CRYZ: variants seen among roughly 807,000 people sequenced by gnomAD.
CRYZ encodes zeta-crystallin.
In CRYZ, 35 loss-of-function variants were observed where a neutral mutation model predicts 34.1. The observed-to-expected ratio is 1.03, with a 90% CI of 0.78 to 1.36. CRYZ has a LOEUF of 1.36. Ranked by LOEUF, CRYZ falls within the 40% of genes most tolerant of loss-of-function variation. The pLI is 0.00. For missense variants in CRYZ, 403 were observed against 391.8 expected (o/e 1.03, Z -0.24); for synonymous variants, 137 against 136.5 (o/e 1.00, Z -0.03).
chr1:74,711,759 A>G (rs116444904), intron 5 of CRYZ, among the ~76,000 whole-genome samples: 2,114 of 152,316 alleles, frequency 0.014, 25 homozygotes, highest in East Asian at 0.055. Flanking sequence ...TCTCTAAAAA[A>G]TAAAAATAAA....
intron 3 of CRYZ, among the ~76,000 whole-genome samples, chr1:74,722,030 G>C (rs1647172394): frequency 6.6e-6 from 1 of 152,126 alleles, no homozygotes; most frequent in Non-Finnish European, 1.5e-5. Flanking sequence ...GAGCTTAGCA[G>C]AAAATTCTAT....
intron 6 of CRYZ, chr1:74,707,409 A>C: frequency 2.6e-6 from 1 of 389,190 alleles, no homozygotes; most frequent in Non-Finnish European, 4.5e-6. Flanking sequence ...TAAACTGATA[A>C]AAATTTGTAC....
chr1:74,721,433 A>G (rs966076272), intron 3 of CRYZ, among the ~76,000 whole-genome samples: 4 of 152,190 alleles, frequency 2.6e-5, no homozygotes, highest in African/African-American at 9.7e-5. Context: ...TTTCATAGCA[A>G]TAAGGAATTT....
chr1:74,722,982 TAG>T, intron 3 of CRYZ, 134 bp downstream of exon 3: 1 of 776,266 alleles, frequency 1.3e-6, no homozygotes, highest in Non-Finnish European at 2.0e-6. Context: ...CTTTTTTGAC[TAG>T]AGGAGTCCCC....
At chr1:74,724,916 A>C in intron 1 of CRYZ, 82 bp from the exon 2 acceptor site, 3 of 729,340 alleles carry the variant, frequency 4.1e-6, no homozygotes, top group Non-Finnish European at 6.9e-6. Context: ...GGAGCAGATC[A>C]AACAATTTTT....
At position 74,733,035 on chromosome 1, in the gene CRYZ, C is replaced by A. The variant is rs890016363; in HGVS notation, c.-93G>T. The A allele has an allele frequency of 1.5e-6, 1 of 652,722 alleles. No homozygotes were observed. Among genetic ancestry groups the A allele is most frequent in the Non-Finnish European group, 2.5e-6 (1 of 394,626 alleles). The allele number at this position is 652,722 out of a possible 1,614,324, so 40.4% of individuals were successfully genotyped here. A position where few individuals can be genotyped will look rare whatever the true frequency, so the allele number is the denominator to read the frequency against. ...ATGAGGACTGCCACACCTTCTCCAA[C>A]TTTTGCAGGCTCCACCCAGGATGTG... On this transcript the variant is annotated 5_prime_UTR_variant, in exon 1 of 9. Transcript: ENST00000340866.
At chr1:74,716,038 G>A (rs1023145699) in intron 4 of CRYZ, among the ~76,000 whole-genome samples, 6 of 151,640 alleles carry the variant, frequency 4.0e-5, no homozygotes, top group African/African-American at 7.3e-5. Context: ...ACTGACCTCC[G>A]ATGAGCAAGA....
In CRYZ at chr1:74,723,183, A is replaced by T. The variant is rs1647194555; in HGVS notation, c.199T>A (p.Tyr67Asn). The stretch of plus-strand genomic sequence containing the variant: ...CCAGCCACATCTGAGCCAGGAGTAT[A>T]GGGTAAGAGTGGTTTTCTACTATAA... ...GTYSRKPLLP[Y>N]TPGSDVAGVI... The change falls in exon 3 of 9, where the codon TAT becomes AAT. Residue 67 changes from tyrosine to asparagine, a missense_variant. Physicochemically the swap from Tyr to Asn is moderately radical, Grantham distance 143. Coordinates refer to ENST00000340866, the MANE Select transcript of CRYZ (RefSeq NM_001889.4). The T allele has an allele frequency of 6.2e-7, 1 of 1,613,996 alleles. No individual in the cohort carries two copies. The highest frequency in any genetic ancestry group is 2.2e-5 in the East Asian group (1 of 44,888).
At chr1:74,730,456 T>C (rs922038745) in intron 1 of CRYZ, 1 of 152,338 alleles carries the variant, frequency 6.6e-6, no homozygotes, top group Admixed American at 6.5e-5. Flanking sequence ...TAAAATAACG[T>C]GGCATACTGA....
At position 74,719,228 on chromosome 1, in the gene CRYZ, A is replaced by G. The variant is rs1279999224; in HGVS notation, c.409T>C (p.Tyr137His). The change falls in exon 4 of 9, where the codon TAT (tyrosine) becomes CAT (histidine). Residue 137 changes from tyrosine to histidine, a missense_variant. By Grantham distance (83) the Tyr-to-His change is moderately conservative. Transcript: ENST00000340866. Reference protein sequence around the residue: ...AAIGIPYFTAYRALIHSACVK... With the variant: ...AAIGIPYFTAHRALIHSACVK... ...TATTACCTGTGGATCAGAGCTCGATAAGCAGTAAAATATGGAATGCCGATG... is the reference window on the plus strand; with the variant it reads ...TATTACCTGTGGATCAGAGCTCGATGAGCAGTAAAATATGGAATGCCGATG... 1 of 1,613,788 alleles carries G rather than the reference A, an allele frequency of 6.2e-7. No homozygotes were observed.
intron 3 of CRYZ, 34 bp from the exon 4 acceptor site, chr1:74,719,406 G>A: frequency 1.3e-6 from 2 of 1,575,800 alleles, no homozygotes; most frequent in African/African-American, 1.4e-5. Context: ...AATGCAGGAA[G>A]ACTAAACATA....
At chr1:74,714,825 G>T (rs1454356075) in intron 4 of CRYZ, among the ~76,000 whole-genome samples, 195 bp from the exon 5 acceptor site, 1 of 152,090 alleles carries the variant, frequency 6.6e-6, no homozygotes, top group African/African-American at 2.4e-5. Context: ...TTTATTCCTT[G>T]AACAAATATT....
intron 6 of CRYZ, chr1:74,707,497 GCTGAAAATTTT>G (rs562391330): frequency 5.3e-6 from 1 of 187,730 alleles, no homozygotes; most frequent in Non-Finnish European, 1.1e-5. Context: ...AAAATACTTA[GCTGAAAATTTT>G]CTATCTGTAA....
intron 5 of CRYZ, among the ~76,000 whole-genome samples, chr1:74,713,798 T>TAGATGCTTGCA (rs1647035607): frequency 6.6e-6 from 1 of 152,178 alleles, no homozygotes; most frequent in Non-Finnish European, 1.5e-5. Flanking sequence ...GCCCCAGGCC[T>TAGATGCTTGCA]TTTATTTTTA....
chr1:74,732,864 G>A, intron 1 of CRYZ, 92 bp downstream of exon 1: 1 of 211,076 alleles, frequency 4.7e-6, no homozygotes, highest in Non-Finnish European at 9.5e-6. Flanking sequence ...GCAGGAAAGG[G>A]GTGCAGCCAA....
At chr1:74,710,847 A>T (rs2100696358) in intron 5 of CRYZ, among the ~76,000 whole-genome samples, 1 of 152,366 alleles carries the variant, frequency 6.6e-6, no homozygotes, top group East Asian at 1.9e-4. Flanking sequence ...CTAAGGGTGG[A>T]GGAAGATAAT....
intron 8 of CRYZ, 50 bp from the exon 9 acceptor site, chr1:74,706,507 A>G: frequency 6.6e-7 from 1 of 1,511,148 alleles, no homozygotes; most frequent in Non-Finnish European, 8.9e-7. Flanking sequence ...GTATGATTTA[A>G]TTTTCAGAAG....
At chr1:74,709,496 A>G (rs1569971063) in intron 6 of CRYZ, among the ~76,000 whole-genome samples, 1 of 152,226 alleles carries the variant, frequency 6.6e-6, no homozygotes. Context: ...GGGAAATTCT[A>G]ATCTCCCTAA....
chr1:74,706,938 C>T lies in CRYZ; in HGVS notation c.789G>A (p.Glu263=), dbSNP rs912119955. ...EINPRDTMAK[E]SSIIGVTLFS... ...AGAGAGTAACTCCAATTATACTCGA[C>T]TCCTTTGCCATGGTGTCTCGTGGGT... Residue 263 remains glutamate (E), a synonymous_variant, in exon 8 of 9, where the codon GAG becomes GAA. Transcript: ENST00000340866. 2.5e-6 allele frequency: 4 copies of T among 1,612,884 alleles called. No homozygotes were observed. In the African/African-American group the frequency reaches 4.0e-5, roughly 16 times the overall value.
Sources: gnomAD v4.1 joint callset for allele counts (sites outside exome capture counted in the v4.1 genomes callset) on GRCh38, gnomAD v4.1.1 for gene constraint, MANE v1.5 for transcripts, NCBI Gene and HGNC (gene_info 2026-07-23, HGNC 2026-07-21) for gene names.